Variants in ERICH2 observed in about 807,000 individuals in gnomAD.
The protein encoded by ERICH2 is glutamate rich 2, also known as glutamate-rich protein 2.
ERICH2 carries 17 observed loss-of-function variants against 17.4 expected under a neutral mutation model. The ratio of observed to expected loss-of-function variants is 0.98; its 90% confidence interval spans 0.67 to 1.47. The LOEUF is 1.47. Ranked by LOEUF, ERICH2 falls within the 40% of genes most tolerant of loss-of-function variation. ERICH2 has a pLI of 0.00. For missense variants in ERICH2, 186 were observed against 183.2 expected, an observed-to-expected ratio of 1.01 and a Z score of -0.09; for synonymous variants, 51 against 61.1, an observed-to-expected ratio of 0.83 and a Z score of 0.77.
chr2:170,783,081 C>G (rs1421282142), upstream of ERICH2: 3 of 151,424 alleles, frequency 2.0e-5, no homozygotes, highest in Non-Finnish European at 2.9e-5. Context: ...GGTGACAGAG[C>G]AAGACCCTGT....
At chr2:170,776,002 T>C in the ERICH2 span, among the ~76,000 whole-genome samples, 6 of 151,922 alleles carry the variant, frequency 3.9e-5, no homozygotes, top group Admixed American at 3.9e-4. Flanking sequence ...TGGGAACAAG[T>C]GTTAGAGGGG....
At chr2:170,784,949 A>G in intron 2 of ERICH2, 116 bp downstream of exon 7, 2 of 858,368 alleles carry the variant, frequency 2.3e-6, no homozygotes, top group Middle Eastern at 6.3e-4. Context: ...TGGAGGCAGA[A>G]CATAGAATGG....
At chr2:170,783,257 C>G (rs1474987143), upstream of ERICH2, 1 of 152,424 alleles carries the variant, frequency 6.6e-6, no homozygotes, top group Non-Finnish European at 1.5e-5. Flanking sequence ...CACTACTGCA[C>G]TTGACTAGTC....
the ERICH2 span, among the ~76,000 whole-genome samples, chr2:170,771,927 C>G: frequency 1.3e-5 from 2 of 152,158 alleles, no homozygotes; most frequent in Admixed American, 6.5e-5. The surrounding 1 kb of genome is among the most constrained non-coding windows in gnomAD (Gnocchi z 4.8). Context: ...CTGGAAGTCG[C>G]TTTTTAAAAA....
At chr2:170,771,735 C>T in the ERICH2 span, among the ~76,000 whole-genome samples, 2 of 152,248 alleles carry the variant, frequency 1.3e-5, no homozygotes, top group Non-Finnish European at 2.9e-5. The surrounding 1 kb of genome is among the most constrained non-coding windows in gnomAD (Gnocchi z 4.8). Flanking sequence ...GGGCCTTATT[C>T]TCATCTTATG....
chr2:170,796,323 TA>T (rs1434269811), intron 3 of ERICH2, among the ~76,000 whole-genome samples: 3 of 152,032 alleles, frequency 2.0e-5, no homozygotes, highest in African/African-American at 7.2e-5. Flanking sequence ...GATTAGGAAA[TA>T]AAGTCCCTTT....
chr2:170,774,540 G>A, the ERICH2 span, among the ~76,000 whole-genome samples: 1 of 148,494 alleles, frequency 6.7e-6, no homozygotes, highest in Non-Finnish European at 1.5e-5. Context: ...TGTAAATCTA[G>A]TCTCTTTCAC....
intron 2 of ERICH2, among the ~76,000 whole-genome samples, chr2:170,789,326 G>A (rs1224349491): frequency 1.1e-4 from 17 of 152,080 alleles, no homozygotes; most frequent in Non-Finnish European, 1.5e-4. Flanking sequence ...AACTTCACCC[G>A]TAAATACTCA....
the ERICH2 span, among the ~76,000 whole-genome samples, chr2:170,773,633 A>G: frequency 2.0e-5 from 3 of 151,738 alleles, no homozygotes; most frequent in African/African-American, 4.9e-5. Context: ...TGAACTTCTC[A>G]AAGTAGAGTA....
chr2:170,786,112 C>T (rs1046700193), intron 2 of ERICH2, among the ~76,000 whole-genome samples: 1 of 143,950 alleles, frequency 6.9e-6, no homozygotes, highest in African/African-American at 2.4e-5. Context: ...CACATATGTG[C>T]AATTTCTGGA....
chr2:170,794,054 C>T (rs1701352926), intron 3 of ERICH2, among the ~76,000 whole-genome samples: 2 of 147,738 alleles, frequency 1.4e-5, no homozygotes, highest in South Asian at 4.4e-4. Context: ...TTTTGTTTTC[C>T]TTCCTTTCTT....
chr2:170,782,140 A>G (rs1701044620), upstream of ERICH2: 1 of 184,986 alleles, frequency 5.4e-6, no homozygotes, highest in Non-Finnish European at 1.0e-5. Flanking sequence ...TTTATTGTTG[A>G]CATATTATAT....
chr2:170,780,105 G>A (rs556421103), upstream of ERICH2, among the ~76,000 whole-genome samples: 1 of 152,210 alleles, frequency 6.6e-6, no homozygotes, highest in South Asian at 2.1e-4. Flanking sequence ...GATTAACTCT[G>A]TAATTTTATT....
At chr2:170,776,139 C>A in the ERICH2 span, among the ~76,000 whole-genome samples, 1 of 151,772 alleles carries the variant, frequency 6.6e-6, no homozygotes, top group South Asian at 2.1e-4. Flanking sequence ...AAAGGCTACA[C>A]TATACGAAAA....
chr2:170,789,421 T>C (rs1456054769), intron 2 of ERICH2, among the ~76,000 whole-genome samples: 2 of 152,216 alleles, frequency 1.3e-5, no homozygotes, highest in Non-Finnish European at 2.9e-5. Flanking sequence ...CTGTAATATA[T>C]AATATTCCAC....
intron 2 of ERICH2, among the ~76,000 whole-genome samples, chr2:170,785,922 C>T (rs1435418076): frequency 1.3e-5 from 2 of 152,086 alleles, no homozygotes; most frequent in Non-Finnish European, 2.9e-5. Context: ...ATTATACAAC[C>T]TCATGTATGT....
chr2:170,776,086 A>G, the ERICH2 span, among the ~76,000 whole-genome samples: 1 of 152,064 alleles, frequency 6.6e-6, no homozygotes, highest in Non-Finnish European at 1.5e-5. Context: ...GTAAGAGTTT[A>G]TTTTTCTCTT....
chr2:170,785,481 T>A lies in ERICH2; in HGVS notation c.216+648T>A, dbSNP rs144297988. On this transcript the variant is annotated intron_variant, in intron 2 of 4. Transcript: ENST00000409885. ...AAAGCTTTCTATACACTGGGCACCA[T>A]GCTAGTTGCTGGGGATATAGAAATA... Among the ~76,000 whole-genome samples the A allele has an allele frequency of 7.8e-3, 1,186 of 152,196 alleles. 23 individuals carry two copies. Among genetic ancestry groups the A allele is most frequent in the African/African-American group, 0.027 (1,132 of 41,538 alleles).
chr2:170,798,938 A>G, exon 5 of ERICH2: 2 of 1,538,148 alleles, frequency 1.3e-6, no homozygotes, highest in Non-Finnish European at 8.8e-7. Context: ...TCATTAATGT[A>G]TACCATGCAA....
Sources: gnomAD v4.1 joint callset for allele counts (sites outside exome capture counted in the v4.1 genomes callset) on GRCh38, gnomAD v4.1.1 for gene constraint, Gnocchi (gnomAD v3.1) non-coding constraint, MANE v1.5 for transcripts, NCBI Gene and HGNC (gene_info 2026-07-23, HGNC 2026-07-21) for gene names.